The following DLG2 variants were observed in gnomAD, a reference collection of about 807,000 sequenced individuals.
DLG2 encodes disks large homolog 2.
Under a neutral mutation model 132.5 loss-of-function variants are expected in DLG2, and 45 were observed. That is an observed-to-expected ratio of 0.34 (90% CI 0.27 to 0.44). The LOEUF (loss-of-function observed/expected upper bound fraction) is 0.44. Among genes scored for constraint, DLG2 ranks in the 20% least tolerant of loss-of-function variants. DLG2 has a pLI of 1.00. For synonymous variants in DLG2, 424 were observed against 419.6 expected (o/e 1.01, Z -0.13); for missense variants, 1,045 against 1,196.9 (o/e 0.87, Z 1.87).
chr11:84,606,903 C>T (rs1040944828), intron 6 of DLG2, among the ~76,000 whole-genome samples: 6 of 152,116 alleles, frequency 3.9e-5, no homozygotes, highest in Admixed American at 6.6e-5. Context: ...CCTGGACCCT[C>T]GCATGTACCA....
chr11:85,488,209 T>C (rs1242371559), intron 3 of DLG2, among the ~76,000 whole-genome samples: 1 of 152,000 alleles, frequency 6.6e-6, no homozygotes, highest in African/African-American at 2.4e-5. Context: ...GTGAATGTGG[T>C]GAAACCCCAT....
At chr11:84,094,078 G>A (rs992041679) in intron 10 of DLG2, among the ~76,000 whole-genome samples, 7 of 151,802 alleles carry the variant, frequency 4.6e-5, no homozygotes, top group East Asian at 1.9e-4. Flanking sequence ...TCTTTTAAGC[G>A]TCGTTGTTGT....
intron 7 of DLG2, among the ~76,000 whole-genome samples, chr11:84,412,110 A>G (rs755757407): frequency 2.6e-5 from 4 of 151,784 alleles, no homozygotes; most frequent in Non-Finnish European, 5.9e-5. Context: ...GCCCCATAAC[A>G]GATGGTAATA....
intron 6 of DLG2, chr11:84,762,026 T>C (rs369873626): frequency 3.3e-5 from 5 of 152,288 alleles, no homozygotes; most frequent in South Asian, 4.1e-4. Context: ...ATAAAAAATG[T>C]ATTTTGGCTT....
At chr11:84,430,857 C>A (rs528692166) in intron 7 of DLG2, among the ~76,000 whole-genome samples, 94 of 152,346 alleles carry the variant, frequency 6.2e-4, no homozygotes, top group Admixed American at 1.1e-3. Flanking sequence ...CCTGTCCTCT[C>A]TGTCACCACA....
At chr11:84,932,268 T>A (rs1259799949) in intron 6 of DLG2, among the ~76,000 whole-genome samples, 1 of 152,216 alleles carries the variant, frequency 6.6e-6, no homozygotes, top group Non-Finnish European at 1.5e-5. Context: ...CATTGAAGTA[T>A]TTAATCCATC....
At chr11:83,483,928 A>G (rs1483241585) in intron 22 of DLG2, among the ~76,000 whole-genome samples, 2 of 152,128 alleles carry the variant, frequency 1.3e-5, no homozygotes, top group East Asian at 3.9e-4. Flanking sequence ...TCTCTCTCCA[A>G]TGCCTTCTGC....
chr11:85,605,721 G>T (rs781145562), intron 2 of DLG2, among the ~76,000 whole-genome samples: 1 of 152,232 alleles, frequency 6.6e-6, no homozygotes, highest in Admixed American at 6.5e-5. Flanking sequence ...GCTCACGCCT[G>T]TAATACCAGC....
chr11:85,258,632 G>A (rs1200918467), intron 4 of DLG2, among the ~76,000 whole-genome samples: 2 of 152,106 alleles, frequency 1.3e-5, no homozygotes, highest in Non-Finnish European at 2.9e-5. Flanking sequence ...TCTAAAAAAG[G>A]TTCTCTAAGA....
intron 6 of DLG2, among the ~76,000 whole-genome samples, chr11:84,592,136 G>A (rs1444269376): frequency 6.6e-6 from 1 of 152,194 alleles, no homozygotes; most frequent in African/African-American, 2.4e-5. Context: ...GATTACAGGA[G>A]TGAACCACGG....
chr11:84,056,913 T>C (rs991347596), intron 11 of DLG2, among the ~76,000 whole-genome samples: 2 of 152,140 alleles, frequency 1.3e-5, no homozygotes, highest in African/African-American at 4.8e-5. Context: ...CTCACCTCTC[T>C]CTACAGGAAT....
intron 6 of DLG2, among the ~76,000 whole-genome samples, chr11:85,105,410 T>C (rs2071576282): frequency 6.6e-6 from 1 of 151,866 alleles, no homozygotes; most frequent in South Asian, 2.1e-4. Flanking sequence ...GAGCAACATA[T>C]CTATTCTATC....
At chr11:83,977,369 A>C (rs1312117870) in intron 12 of DLG2, among the ~76,000 whole-genome samples, 5 of 152,044 alleles carry the variant, frequency 3.3e-5, no homozygotes, top group Non-Finnish European at 7.4e-5. Context: ...GTTTCTAAAA[A>C]ATACTGACCT....
intron 6 of DLG2, among the ~76,000 whole-genome samples, chr11:84,956,160 A>G (rs1304813567): frequency 6.6e-6 from 1 of 152,166 alleles, no homozygotes; most frequent in Non-Finnish European, 1.5e-5. Flanking sequence ...TAATTTTACA[A>G]TCCCAGACAC....
At chr11:85,476,467 CTT>C (rs1418464761) in intron 3 of DLG2, among the ~76,000 whole-genome samples, 1 of 152,044 alleles carries the variant, frequency 6.6e-6, no homozygotes, top group Non-Finnish European at 1.5e-5. Context: ...CTTACTGTAA[CTT>C]TTCTACTTTA....
At chr11:85,039,469 G>T (rs1400521204) in intron 6 of DLG2, among the ~76,000 whole-genome samples, 1 of 151,826 alleles carries the variant, frequency 6.6e-6, no homozygotes, top group Non-Finnish European at 1.5e-5. Flanking sequence ...TTCCCTAGTT[G>T]TATAAGCTTA....
At chr11:85,420,559 C>G (rs2090212291) in intron 3 of DLG2, among the ~76,000 whole-genome samples, 1 of 152,144 alleles carries the variant, frequency 6.6e-6, no homozygotes, top group South Asian at 2.1e-4. Context: ...TGCTCTGTCC[C>G]AAGGAGATGG....
At chr11:84,896,054 A>C (rs1039864250) in intron 6 of DLG2, among the ~76,000 whole-genome samples, 1 of 152,132 alleles carries the variant, frequency 6.6e-6, no homozygotes, top group Non-Finnish European at 1.5e-5. Context: ...AGCACAGAAA[A>C]CAATGAAATT....
chr11:84,477,518 A>C (rs1345275625), intron 7 of DLG2, among the ~76,000 whole-genome samples: 1 of 152,054 alleles, frequency 6.6e-6, no homozygotes, highest in Non-Finnish European at 1.5e-5. Flanking sequence ...TAAATAAATA[A>C]TGATGGCAAC....
Sources: allele counts gnomAD v4.1 joint callset (sites outside exome capture counted in the v4.1 genomes callset), GRCh38; gene constraint gnomAD v4.1.1; transcripts MANE v1.5; gene names NCBI Gene and HGNC (gene_info 2026-07-23, HGNC 2026-07-21).